Variants in COL23A1 observed in about 807,000 individuals in gnomAD.
COL23A1 encodes the protein collagen type XXIII alpha 1 chain, also known as collagen alpha-1(XXIII) chain.
Under a neutral mutation model 99.3 loss-of-function variants are expected in COL23A1, and 97 were observed. The ratio of observed to expected loss-of-function variants is 0.98; its 90% CI spans 0.83 to 1.16. The LOEUF (loss-of-function observed/expected upper bound fraction) is 1.16, where lower values mean the gene tolerates loss of function less well. COL23A1 is among the 50% of genes most tolerant of loss of function. COL23A1 has a pLI of 0.00. For missense variants in COL23A1, 762 were observed against 757.4 expected, an observed-to-expected ratio of 1.01 and a Z score of -0.07; for synonymous variants, 320 against 308.2, an observed-to-expected ratio of 1.04 and a Z score of -0.40.
At chr5:178,393,252 G>A (rs746946312) in intron 2 of COL23A1, among the ~76,000 whole-genome samples, 1 of 152,192 alleles carries the variant, frequency 6.6e-6, no homozygotes, top group African/African-American at 2.4e-5. Context: ...TGGACCTTGA[G>A]GATGTTACGC....
chr5:178,310,189 T>A lies in COL23A1; in HGVS notation c.362-3270A>T, dbSNP rs980037585. 2.0e-5 allele frequency among the ~76,000 whole-genome samples: 3 copies of A among 152,152 alleles called. No homozygotes were observed. Among genetic ancestry groups the A allele is most frequent in the African/African-American group, 7.2e-5 (3 of 41,428 alleles). ...GCGAGTGTGCCGGAGCTGCACTCCC[T>A]GCTGACTGTGGGCTCCCACTCCACT... is the stretch of plus-strand genomic sequence containing the variant. On this transcript the variant is annotated intron_variant, in intron 2 of 28. Transcript: ENST00000390654. The surrounding 1 kb of genome is among the most constrained non-coding windows in gnomAD (Gnocchi z 4.3).
chr5:178,552,706 TAAAAA>T (rs60501006), intron 2 of COL23A1, among the ~76,000 whole-genome samples: 1 of 136,006 alleles, frequency 7.4e-6, no homozygotes, highest in Non-Finnish European at 1.6e-5. Flanking sequence ...CAAAAAAAAT[TAAAAA>T]AAAAAAAAAA....
rs761885415 is a variant in COL23A1 at position 178,242,007 on chromosome 5, A to G, written c.1581+35T>C. 3.3e-6 allele frequency: 5 copies of G among 1,522,654 alleles called. No individual in the cohort carries two copies. The Middle Eastern group carries it at 5.1e-4, about 154-fold the overall frequency. 94.3% of individuals were successfully genotyped at this position (1,522,654 alleles called of 1,614,324 possible). The stretch of plus-strand genomic sequence containing the variant: ...TGGGCTGACCCTGGCTGGAGGCCAA[A>G]AAGACCTGGGGCAGGGCCCTCCTCC... On this transcript the variant is annotated intron_variant, in intron 27 of 28. Coordinates refer to ENST00000390654, the MANE Select transcript of COL23A1 (RefSeq NM_173465.4).
At chr5:178,469,853 C>T (rs1276434419) in intron 2 of COL23A1, among the ~76,000 whole-genome samples, 1 of 152,154 alleles carries the variant, frequency 6.6e-6, no homozygotes, top group African/African-American at 2.4e-5. Context: ...CGTCTCCAAC[C>T]ACTCATCCCC....
At position 178,247,767 on chromosome 5, in the gene COL23A1, GTCCTTACCA is replaced by G; in HGVS notation, c.1268_1269+7del. On this transcript the variant is annotated splice_donor_variant and splice_donor_5th_base_variant and coding_sequence_variant and intron_variant, in exon 21 of 29. Coordinates refer to ENST00000390654, the MANE Select transcript of COL23A1 (RefSeq NM_173465.4). LOFTEE classifies it high-confidence loss of function. Reference sequence around the variant, plus strand: ...GCTTCAAACCAAACCAAAGCAAACCGTCCTTACCATCGGGCCTGGGGGGCCAGGGGGGCC... The same window carrying G: ...GCTTCAAACCAAACCAAAGCAAACCGTCGGGCCTGGGGGGCCAGGGGGGCC... 6.2e-7 allele frequency: 1 copy of G among 1,613,000 alleles called. No individual in the cohort carries two copies. The highest frequency in any genetic ancestry group is 8.5e-7 in the Non-Finnish European group (1 of 1,179,042).
intron 2 of COL23A1, among the ~76,000 whole-genome samples, chr5:178,431,698 G>A (rs987769136): frequency 2.2e-4 from 33 of 152,222 alleles, no homozygotes; most frequent in African/African-American, 5.5e-4. Context: ...AAGCTGCCCT[G>A]CCACCATCTT....
chr5:178,260,096 C>T (rs967296299), intron 11 of COL23A1, among the ~76,000 whole-genome samples: 5 of 152,202 alleles, frequency 3.3e-5, no homozygotes, highest in African/African-American at 1.2e-4. Flanking sequence ...GGACCAGAGC[C>T]CGCCTCCCCA....
intron 7 of COL23A1, among the ~76,000 whole-genome samples, chr5:178,267,962 T>A (rs1207105314): frequency 6.6e-6 from 1 of 152,154 alleles, no homozygotes; most frequent in Non-Finnish European, 1.5e-5. Context: ...TTGGCCAAGG[T>A]CACACAGTTG....
At chr5:178,491,871 A>C (rs1757953190) in intron 2 of COL23A1, among the ~76,000 whole-genome samples, 1 of 152,048 alleles carries the variant, frequency 6.6e-6, no homozygotes, top group Admixed American at 6.5e-5. Flanking sequence ...AGTAGCTGGG[A>C]TTACAGGCAC....
At chr5:178,286,263 C>T (rs929700323) in intron 5 of COL23A1, among the ~76,000 whole-genome samples, 4 of 152,142 alleles carry the variant, frequency 2.6e-5, no homozygotes, top group Admixed American at 2.0e-4. Context: ...ACCAGGGGCA[C>T]GGCTGCCAGA....
intron 1 of COL23A1, among the ~76,000 whole-genome samples, chr5:178,567,510 G>C (rs1762894599): frequency 6.6e-6 from 1 of 152,176 alleles, no homozygotes; most frequent in African/African-American, 2.4e-5. Context: ...TGGGACACCA[G>C]GACGGGCAGA....
chr5:178,403,871 C>T lies in COL23A1; in HGVS notation c.362-96952G>A, dbSNP rs543410212. ...CGCTTGTGAGCCTTTTGGGGTGGCC[C>T]AGAAGGGCAGACCTGTGAGGCCCCC... On this transcript the variant is annotated intron_variant, in intron 2 of 28. Transcript: ENST00000390654. Among the ~76,000 whole-genome samples, 7 of 152,372 alleles carry T rather than the reference C, an allele frequency of 4.6e-5. No homozygotes were observed. The East Asian group carries it at 1.3e-3, about 29-fold the overall frequency.
chr5:178,415,465 T>C lies in COL23A1; in HGVS notation c.362-108546A>G, dbSNP rs1010729030. Reference sequence around the variant, plus strand: ...CCGGGCCCTGGAGCACGGCTCACCCTGCTGCCTCTCTGCACAGGCTTGCTG... The same window carrying C: ...CCGGGCCCTGGAGCACGGCTCACCCCGCTGCCTCTCTGCACAGGCTTGCTG... On this transcript the variant is annotated intron_variant, in intron 2 of 28. Coordinates refer to ENST00000390654, the MANE Select transcript of COL23A1 (RefSeq NM_173465.4). This position sits in a 1 kb window ranked among gnomAD's most constrained non-coding sequence, Gnocchi z 4.6. 6.6e-6 allele frequency among the ~76,000 whole-genome samples: 1 copy of C among 152,100 alleles called. No homozygotes were observed. The highest frequency in any genetic ancestry group is 1.5e-5 in the Non-Finnish European group (1 of 67,990).
rs1318963869 is a variant in COL23A1 at position 178,308,324 on chromosome 5, G to C, written c.362-1405C>G. ...GAATTTCTTGCCAGCCTCAGGGACA[G>C]GGGACTTGAGGTGAGGATTGTTAAA... On this transcript the variant is annotated intron_variant, in intron 2 of 28. Coordinates refer to ENST00000390654, the MANE Select transcript of COL23A1 (RefSeq NM_173465.4). This position sits in a 1 kb window ranked among gnomAD's most constrained non-coding sequence, Gnocchi z 5.1. Among the ~76,000 whole-genome samples the C allele has an allele frequency of 6.6e-6, 1 of 152,190 alleles. No homozygotes were observed. The highest frequency in any genetic ancestry group is 2.4e-5 in the African/African-American group (1 of 41,438).
At chr5:178,516,119 C>CCGTCCT (rs1398781324) in intron 2 of COL23A1, among the ~76,000 whole-genome samples, 2 of 152,188 alleles carry the variant, frequency 1.3e-5, no homozygotes, top group Non-Finnish European at 2.9e-5. Flanking sequence ...TCCACCTGCC[C>CCGTCCT]CGTCCTCGTC....
At chr5:178,561,271 CTT>C (rs1762546414) in intron 1 of COL23A1, among the ~76,000 whole-genome samples, 1 of 152,228 alleles carries the variant, frequency 6.6e-6, no homozygotes, top group Admixed American at 6.5e-5. Context: ...AAACATTTTC[CTT>C]TGTTGTTTTC....
At chr5:178,381,606 C>T (rs1322600623) in intron 2 of COL23A1, among the ~76,000 whole-genome samples, 1 of 152,188 alleles carries the variant, frequency 6.6e-6, no homozygotes, top group Non-Finnish European at 1.5e-5. Context: ...GTCTCCGGGC[C>T]CAGGCCTAGC....
intron 2 of COL23A1, among the ~76,000 whole-genome samples, chr5:178,356,782 G>T (rs1273743695): frequency 6.6e-6 from 1 of 152,044 alleles, no homozygotes; most frequent in East Asian, 1.9e-4. Context: ...TCCCCCGGCC[G>T]CCTGGCACCG....
chr5:178,438,888 G>T (rs1276967546), intron 2 of COL23A1: 1 of 152,162 alleles, frequency 6.6e-6, no homozygotes, highest in Non-Finnish European at 1.5e-5. Flanking sequence ...CCGGGGAAAG[G>T]TTACAACTCC....
Sources: gnomAD v4.1 joint callset for allele counts (sites outside exome capture counted in the v4.1 genomes callset) on GRCh38, gnomAD v4.1.1 for gene constraint, Gnocchi (gnomAD v3.1) non-coding constraint, MANE v1.5 for transcripts, NCBI Gene and HGNC (gene_info 2026-07-23, HGNC 2026-07-21) for gene names.